The following ESPN variants were observed in gnomAD, a reference collection of about 807,000 sequenced individuals.
The protein encoded by ESPN is autosomal recessive deafness type 36 protein.
ESPN carries 68 observed loss-of-function variants against 77.7 expected under a neutral mutation model. The ratio of observed to expected loss-of-function variants is 0.87; its 90% confidence interval spans 0.72 to 1.07. The LOEUF is 1.07. Among genes scored for constraint, ESPN ranks in the 50% least tolerant of loss-of-function variants. ESPN has a pLI of 0.00. For missense variants in ESPN, 1,060 were observed against 1,239.0 expected (o/e 0.86, Z 2.17); for synonymous variants, 449 against 567.1 (o/e 0.79, Z 2.96).
At chr1:6,429,115 G>A (rs1190650629) in intron 2 of ESPN, among the ~76,000 whole-genome samples, 1 of 151,180 alleles carries the variant, frequency 6.6e-6, no homozygotes, top group African/African-American at 2.4e-5. Context: ...GAGGGAGGGA[G>A]GGACTCAGGT....
chr1:6,459,608 C>T (rs1336617976), intron 12 of ESPN, among the ~76,000 whole-genome samples: 1 of 152,110 alleles, frequency 6.6e-6, no homozygotes, highest in Non-Finnish European at 1.5e-5. Flanking sequence ...TCTCTCTGCT[C>T]CCCAGCAGCC....
chr1:6,445,771 C>T lies in ESPN; in HGVS notation c.1300C>T (p.Pro434Ser). ...TIGKPTPPPP[P>S]PSFPPPPPPP... ...TGGGAAGCCCACACCCCCACCACCC[C>T]CACCCAGCTTCCCCCCGCCACCCCC... The change falls in exon 7 of 13, where the codon CCA (proline) becomes TCA (serine). Residue 434 changes from proline to serine, a missense_variant. By Grantham distance (74) the Pro-to-Ser change is moderately conservative. This residue lies in a region of ESPN where 556 missense variants were observed against 633.6 expected (regional missense o/e 0.88). Coordinates refer to ENST00000645284, the MANE Select transcript of ESPN (RefSeq NM_031475.3). 1.3e-6 allele frequency: 2 copies of T among 1,502,678 alleles called. No homozygotes were observed. Among genetic ancestry groups the T allele is most frequent in the Non-Finnish European group, 1.8e-6 (2 of 1,105,620 alleles). 93.1% of individuals were successfully genotyped at this position (1,502,678 alleles called of 1,614,324 possible).
At chr1:6,461,318 C>T (rs879402671), downstream of ESPN, 157 of 1,326,458 alleles carry the variant, frequency 1.2e-4, no homozygotes, top group Middle Eastern at 5.4e-4. The surrounding 1 kb of genome is among the most constrained non-coding windows in gnomAD (Gnocchi z 6.3). Context: ...GGTGCTGCTA[C>T]GCAGGGCCGT....
At chr1:6,448,551 G>A (rs1379989377) in intron 7 of ESPN, 90 bp from the exon 8 acceptor site, 3 of 1,199,858 alleles carry the variant, frequency 2.5e-6, no homozygotes, top group Non-Finnish European at 3.4e-6. Flanking sequence ...CTGGCCGCGA[G>A]TCCCCAGGAG....
chr1:6,443,220 T>A (rs542824741), intron 5 of ESPN: 1 of 151,820 alleles, frequency 6.6e-6, no homozygotes, highest in South Asian at 2.1e-4. Flanking sequence ...GGGTGCCATG[T>A]CCTGGAGCTC....
At position 6,451,945 on chromosome 1, in the gene ESPN, C is replaced by A. The variant is rs1296463211; in HGVS notation, c.2174C>A (p.Pro725His). 6.2e-7 allele frequency: 1 copy of A among 1,610,956 alleles called. No individual in the cohort carries two copies. ...AATGGAAGCTTGGTTCCCGTGCCGC[C>A]CACTACTCCTGCGCCGGGAGTGCAG... ...LLNGSLVPVP[P>H]TTPAPGVQLD... The change falls in exon 10 of 13, where the codon CCC becomes CAC. Residue 725 changes from proline to histidine, a missense_variant. Transcript: ENST00000645284. The surrounding 1 kb of genome is among the most constrained non-coding windows in gnomAD (Gnocchi z 4.3).
intron 2 of ESPN, among the ~76,000 whole-genome samples, chr1:6,432,483 G>A (rs577233702): frequency 8.5e-5 from 13 of 152,332 alleles, no homozygotes; most frequent in African/African-American, 2.9e-4. Context: ...GGTGGAGTCC[G>A]GAGCAGCCCC....
At chr1:6,449,971 A>T (rs1191934446) in intron 8 of ESPN, among the ~76,000 whole-genome samples, 1 of 152,190 alleles carries the variant, frequency 6.6e-6, no homozygotes, top group South Asian at 2.1e-4. Context: ...GAGCAGAGCT[A>T]GTCCCCCTAC....
intron 2 of ESPN, among the ~76,000 whole-genome samples, chr1:6,433,404 G>A (rs1331330949): frequency 2.0e-5 from 3 of 150,712 alleles, no homozygotes; most frequent in African/African-American, 7.3e-5. Context: ...AGATCGTGCT[G>A]CTGCACTCCA....
In ESPN at chr1:6,437,262, A is replaced by G. The variant is rs1456691735; in HGVS notation, c.489-2992A>G. The G allele has an allele frequency of 6.6e-6, 1 of 152,030 alleles. No individual in the cohort carries two copies. The highest frequency in any genetic ancestry group is 1.5e-5 in the Non-Finnish European group (1 of 68,018). 9.4% of individuals were successfully genotyped at this position (152,030 alleles called of 1,614,324 possible). A position where few individuals can be genotyped will look rare whatever the true frequency, so the allele number is the denominator to read the frequency against. Reference sequence around the variant, plus strand: ...TCAGACCTTCTCCGGCTGGCTGGGCACCCCTGGGTCATGGATCTCTGCCAA... The same window carrying G: ...TCAGACCTTCTCCGGCTGGCTGGGCGCCCCTGGGTCATGGATCTCTGCCAA... On this transcript the variant is annotated intron_variant, in intron 2 of 12. Coordinates refer to ENST00000645284, the MANE Select transcript of ESPN (RefSeq NM_031475.3). The surrounding 1 kb of genome is among the most constrained non-coding windows in gnomAD (Gnocchi z 4.5).
intron 10 of ESPN, among the ~76,000 whole-genome samples, chr1:6,452,409 G>A (rs1643965713): frequency 6.6e-6 from 1 of 152,034 alleles, no homozygotes; most frequent in African/African-American, 2.4e-5. Context: ...GTTTCACTAT[G>A]TTGGCCAGAG....
chr1:6,443,679 C>T (rs755158382), intron 5 of ESPN, among the ~76,000 whole-genome samples: 16 of 152,352 alleles, frequency 1.1e-4, no homozygotes, highest in Non-Finnish European at 1.9e-4. Flanking sequence ...CCCCTAATTA[C>T]GGGGCCAATG....
intron 12 of ESPN, 22 bp from the exon 13 acceptor site, chr1:6,459,977 G>A (rs1232982608): frequency 4.3e-6 from 7 of 1,612,890 alleles, no homozygotes; most frequent in Non-Finnish European, 5.9e-6. Flanking sequence ...CACCGGGTCT[G>A]CCCCCCTCCC....
Position 6,428,233 on chromosome 1 carries a change from AC to A in ESPN, c.303del (p.Asp101GlufsTer20), listed in dbSNP as rs1431548199. ...CCAGCTCTCCTCCCACAGGACAAAG[AC>A]AATTCTGGTGCCACAGTCTTGCATC... The part of the protein sequence containing the change: ...SQGGCRVQDK[D>X]NSGATVLHLA... On this transcript the variant is annotated frameshift_variant, in exon 2 of 13. Transcript: ENST00000645284. LOFTEE classifies it high-confidence loss of function. The surrounding 1 kb of genome is among the most constrained non-coding windows in gnomAD (Gnocchi z 5.4). 6.2e-7 allele frequency: 1 copy of A among 1,613,470 alleles called. No homozygotes were observed. The highest frequency in any genetic ancestry group is 8.5e-7 in the Non-Finnish European group (1 of 1,180,008).
In ESPN at chr1:6,440,667, C is replaced by T. The variant is rs1186395268; in HGVS notation, c.717C>T (p.Asp239=). The change falls in exon 4 of 13, where the codon GAC becomes GAT. Residue 239 remains aspartate, a synonymous_variant. Coordinates refer to ENST00000645284, the MANE Select transcript of ESPN (RefSeq NM_031475.3). ...TGAGCCTGTCCGAGCAGGACAAAGA[C>T]GGCGCCACCGCCATGCACTTCGCGG... ...TDVSLSEQDK[D]GATAMHFAAS... 4.3e-6 allele frequency: 6 copies of T among 1,397,292 alleles called. No individual in the cohort carries two copies. The highest frequency in any genetic ancestry group is 3.6e-5 in the East Asian group (1 of 27,688). 86.6% of individuals were successfully genotyped at this position (1,397,292 alleles called of 1,614,324 possible). A position where few individuals can be genotyped will look rare whatever the true frequency, so the allele number is the denominator to read the frequency against.
chr1:6,458,891 G>A (rs1557721455), intron 12 of ESPN, among the ~76,000 whole-genome samples: 2 of 145,296 alleles, frequency 1.4e-5, no homozygotes, highest in South Asian at 2.2e-4. Flanking sequence ...GGATCACGCC[G>A]TTTTGTACTC....
At chr1:6,448,530 C>T in intron 7 of ESPN, 111 bp from the exon 8 acceptor site, 1 of 980,022 alleles carries the variant, frequency 1.0e-6, no homozygotes, top group Non-Finnish European at 1.5e-6. Context: ...TGCTGCACCC[C>T]TCGACGGCCG....
chr1:6,430,397 C>T (rs1417308309), intron 2 of ESPN, among the ~76,000 whole-genome samples: 2 of 152,182 alleles, frequency 1.3e-5, no homozygotes, highest in Non-Finnish European at 2.9e-5. Flanking sequence ...GCTGGACAGC[C>T]TCGGGGAAGC....
At chr1:6,431,695 A>C (rs1040936994) in intron 2 of ESPN, among the ~76,000 whole-genome samples, 4 of 152,074 alleles carry the variant, frequency 2.6e-5, no homozygotes, top group African/African-American at 9.7e-5. Flanking sequence ...AAAGAAAAGA[A>C]AGAAAAGAAA....
Sources: allele counts gnomAD v4.1 joint callset (sites outside exome capture counted in the v4.1 genomes callset), GRCh38; gene constraint gnomAD v4.1.1; regional missense constraint gnomAD v4.1.1; non-coding constraint Gnocchi (gnomAD v3.1); transcripts MANE v1.5; gene names NCBI Gene and HGNC (gene_info 2026-07-23, HGNC 2026-07-21).